The following CPSF4 variants were observed in gnomAD, a reference collection of about 807,000 sequenced individuals.
CPSF4 encodes the protein cleavage and polyadenylation specificity factor subunit 4.
A neutral mutation model predicts 37.7 loss-of-function variants in CPSF4; 11 were observed. That is an observed-to-expected ratio of 0.29 (90% CI 0.18 to 0.48). CPSF4 has a LOEUF of 0.48. Among genes scored for constraint, CPSF4 ranks in the 20% least tolerant of loss-of-function variants. CPSF4 has a pLI of 0.99. For synonymous variants in CPSF4, 132 were observed against 135.9 expected (o/e 0.97, Z 0.20); for missense variants, 144 against 359.5 (o/e 0.40, Z 4.85).
Position 99,440,674 on chromosome 7 carries a change from A to ATATATATATTTTTTTTT in CPSF4, c.103+1490_103+1491insATATATATTTTTTTTTT. 1.6e-4 allele frequency among the ~76,000 whole-genome samples: 14 copies of ATATATATATTTTTTTTT among 88,082 alleles called. No homozygotes were observed. The East Asian group carries it at 2.0e-3, about 13-fold the overall frequency. 57.8% of individuals were successfully genotyped at this position (88,082 alleles called of 152,430 possible). ...ACCTGGCATATATATATATATATAT[A>ATATATATATTTTTTTTT]TTTTTTTTTTTTTTTTTTTCCTGCC... On this transcript the variant is annotated intron_variant, in intron 1 of 7. Coordinates refer to ENST00000292476, the MANE Select transcript of CPSF4 (RefSeq NM_006693.4).
chr7:99,442,669 AAAAAAAC>A lies in CPSF4; in HGVS notation c.104-2110_104-2104del, dbSNP rs1207886251. On this transcript the variant is annotated intron_variant, in intron 1 of 7. Coordinates refer to ENST00000292476, the MANE Select transcript of CPSF4 (RefSeq NM_006693.4). ...AGACTCCGTCTCAAAAAAAAAAAAA[AAAAAAAC>A]AAAAAACAAGCAATATAATCAAAAA... 6.1e-4 allele frequency among the ~76,000 whole-genome samples: 91 copies of A among 150,386 alleles called. No homozygotes were observed. In the East Asian group the frequency reaches 8.4e-3, roughly 14 times the overall value.
chr7:99,449,369 G>T (rs978656311), intron 3 of CPSF4, among the ~76,000 whole-genome samples: 1 of 152,214 alleles, frequency 6.6e-6, no homozygotes. Flanking sequence ...TGTTCCCCCC[G>T]ATGCCTTGCC....
Position 99,442,537 on chromosome 7 carries a change from T to A in CPSF4, c.104-2252T>A, listed in dbSNP as rs112428555. Among the ~76,000 whole-genome samples, 12 of 149,618 alleles carry A rather than the reference T, an allele frequency of 8.0e-5. 1 individual carries two copies. Among genetic ancestry groups the A allele is most frequent in the African/African-American group, 2.7e-4 (11 of 40,512 alleles). On this transcript the variant is annotated intron_variant, in intron 1 of 7. Transcript: ENST00000292476. ...TGGGCAAGGTGGCGGGTGCCTGTAG[T>A]CCCAGCTACTCGGGAGGCTGAGGCA...
At chr7:99,452,894 C>A (rs1196952699) in intron 6 of CPSF4, 1 of 161,438 alleles carries the variant, frequency 6.2e-6, no homozygotes, top group Non-Finnish European at 1.4e-5. Context: ...GGCAGCAGAA[C>A]TGACCACTCT....
chr7:99,440,674 A>ATATATATTTTTT lies in CPSF4; in HGVS notation c.103+1490_103+1491insATATATTTTTTT. Among the ~76,000 whole-genome samples the ATATATATTTTTT allele has an allele frequency of 3.0e-4, 26 of 88,084 alleles. 2 individuals carry two copies. Among genetic ancestry groups the ATATATATTTTTT allele is most frequent in the African/African-American group, 2.2e-3 (23 of 10,308 alleles). The allele number at this position is 88,084 out of a possible 152,430, so 57.8% of individuals were successfully genotyped here. On this transcript the variant is annotated intron_variant, in intron 1 of 7. Coordinates refer to ENST00000292476, the MANE Select transcript of CPSF4 (RefSeq NM_006693.4). The stretch of plus-strand genomic sequence containing the variant: ...ACCTGGCATATATATATATATATAT[A>ATATATATTTTTT]TTTTTTTTTTTTTTTTTTTCCTGCC...
At chr7:99,454,958 G>A (rs1798204851) in intron 7 of CPSF4, among the ~76,000 whole-genome samples, 1 of 152,178 alleles carries the variant, frequency 6.6e-6, no homozygotes, top group African/African-American at 2.4e-5. Flanking sequence ...GGGAGGCTTA[G>A]ATGGGAGGAT....
At chr7:99,445,247 A>G (rs1797385048) in intron 2 of CPSF4, among the ~76,000 whole-genome samples, 1 of 152,116 alleles carries the variant, frequency 6.6e-6, no homozygotes, top group African/African-American at 2.4e-5. Context: ...GAAACACCCC[A>G]TGATAACCCA....
rs117000952 is a variant in CPSF4, at chr7:99,446,347, A to T, written c.154+1508A>T. On this transcript the variant is annotated intron_variant, in intron 2 of 7. Transcript: ENST00000292476. ...ATTTAAGTAAAATCAAATCACATTT[A>T]AAACAAAATTCTCAGACACACTAGT... is the stretch of plus-strand genomic sequence containing the variant. Among the ~76,000 whole-genome samples, 110 of 152,372 alleles carry T rather than the reference A, an allele frequency of 7.2e-4. No homozygotes were observed. The East Asian group carries it at 0.02, about 28-fold the overall frequency.
chr7:99,454,795 G>A (rs770013086), intron 7 of CPSF4, among the ~76,000 whole-genome samples: 1 of 152,186 alleles, frequency 6.6e-6, no homozygotes, highest in Admixed American at 6.5e-5. Flanking sequence ...TCCCTGGCAC[G>A]TGGCAGGAGT....
chr7:99,455,076 G>A (rs1562866679), intron 7 of CPSF4, among the ~76,000 whole-genome samples: 1 of 152,152 alleles, frequency 6.6e-6, no homozygotes, highest in Non-Finnish European at 1.5e-5. Flanking sequence ...AAAAGAGCAT[G>A]GAAGTGGGGC....
chr7:99,455,854 T>C (rs1798270760), intron 7 of CPSF4, among the ~76,000 whole-genome samples: 1 of 152,170 alleles, frequency 6.6e-6, no homozygotes, highest in African/African-American at 2.4e-5. Flanking sequence ...GTCCCCAAGG[T>C]AGCTTAGGTG....
chr7:99,444,883 C>T (rs1797348931), intron 2 of CPSF4, 44 bp downstream of exon 2: 1 of 1,556,872 alleles, frequency 6.4e-7, no homozygotes, highest in African/African-American at 1.4e-5. Flanking sequence ...GAGGCGCCCT[C>T]CCACCTCCTT....
At chr7:99,450,911 C>G (rs1326102982) in intron 5 of CPSF4, 116 bp downstream of exon 5, 1 of 717,176 alleles carries the variant, frequency 1.4e-6, no homozygotes, top group Non-Finnish European at 2.4e-6. Context: ...GTACCAGGGC[C>G]AAGGGTGGGG....
chr7:99,450,599 G>A (rs1822390997), intron 4 of CPSF4, 103 bp from the exon 5 acceptor site: 2 of 993,710 alleles, frequency 2.0e-6, no homozygotes, highest in Non-Finnish European at 3.2e-6. Context: ...TGAGGTCCCT[G>A]CCCCGTCTCC....
intron 7 of CPSF4, among the ~76,000 whole-genome samples, chr7:99,455,597 G>A (rs1798253336): frequency 1.3e-5 from 2 of 152,218 alleles, no homozygotes; most frequent in African/African-American, 4.8e-5. Flanking sequence ...GAGCCCCTCA[G>A]GGCAGCAGGG....
chr7:99,446,815 G>GTTTT (rs1797542230), intron 2 of CPSF4, among the ~76,000 whole-genome samples: 3 of 66,634 alleles, frequency 4.5e-5, no homozygotes, highest in African/African-American at 2.4e-4. Context: ...TTTTAACGGA[G>GTTTT]TTTTGCTCTT....
At chr7:99,443,525 A>C (rs1797209152) in intron 1 of CPSF4, 1 of 690,632 alleles carries the variant, frequency 1.4e-6, no homozygotes, top group African/African-American at 1.8e-5. Context: ...GTGCTCTTTT[A>C]ATAATTGTAT....
rs374958556 is a variant in CPSF4 at position 99,456,999 on chromosome 7, G to A, written c.*499G>A. 6.6e-5 allele frequency: 17 copies of A among 259,308 alleles called. No homozygotes were observed. Among genetic ancestry groups the A allele is most frequent in the South Asian group, 5.4e-4 (12 of 22,250 alleles). The allele number at this position is 259,308 out of a possible 1,614,324, so 16.1% of individuals were successfully genotyped here. ...GAGGGAGCCCTTTGGGGCAAATTCA[G>A]GTGCCCCCATTGCCTCAGGCTGGCC... On this transcript the variant is annotated 3_prime_UTR_variant, in exon 8 of 8. Transcript: ENST00000292476.
At chr7:99,450,452 G>A in intron 4 of CPSF4, 81 bp downstream of exon 4, 1 of 991,014 alleles carries the variant, frequency 1.0e-6, no homozygotes. Context: ...CTGCCAGCTG[G>A]TCTACCTGTC....
Sources: gnomAD v4.1 joint callset for allele counts (sites outside exome capture counted in the v4.1 genomes callset) on GRCh38, gnomAD v4.1.1 for gene constraint, MANE v1.5 for transcripts, NCBI Gene and HGNC (gene_info 2026-07-23, HGNC 2026-07-21) for gene names.